Variants in PPP1R12B observed in about 807,000 individuals in gnomAD.
PPP1R12B encodes protein phosphatase 1 regulatory subunit 12B.
A neutral mutation model predicts 126.1 loss-of-function variants in PPP1R12B; 76 were observed. The observed-to-expected ratio is 0.60, with a 90% confidence interval of 0.50 to 0.73. PPP1R12B has a LOEUF of 0.73. PPP1R12B is among the 30% of genes least tolerant of loss of function. The pLI is 0.00. For missense variants in PPP1R12B, 1,052 were observed against 1,205.1 expected, an observed-to-expected ratio of 0.87 and a Z score of 1.88; for synonymous variants, 356 against 434.7, an observed-to-expected ratio of 0.82 and a Z score of 2.25.
At chr1:202,381,090 T>C (rs1287685850) in intron 1 of PPP1R12B, among the ~76,000 whole-genome samples, 18 of 152,198 alleles carry the variant, frequency 1.2e-4, no homozygotes, top group African/African-American at 4.1e-4. Flanking sequence ...TATAAATGTG[T>C]CTGTATTCCC....
At chr1:202,463,463 C>A (rs1180838684) in intron 13 of PPP1R12B, among the ~76,000 whole-genome samples, 1 of 151,870 alleles carries the variant, frequency 6.6e-6, no homozygotes, top group Admixed American at 6.6e-5. Flanking sequence ...TTTTGTTTGC[C>A]TTAAATATTA....
At chr1:202,424,792 C>T (rs1346849965) in intron 3 of PPP1R12B, among the ~76,000 whole-genome samples, 1 of 152,094 alleles carries the variant, frequency 6.6e-6, no homozygotes, top group Non-Finnish European at 1.5e-5. Context: ...GAGTTATTGG[C>T]TAAAGGGAGG....
chr1:202,383,725 A>G (rs930664407), intron 1 of PPP1R12B, among the ~76,000 whole-genome samples: 1 of 152,012 alleles, frequency 6.6e-6, no homozygotes, highest in South Asian at 2.1e-4. Flanking sequence ...CTGTGTCTCA[A>G]AAAAAAAGAA....
intron 1 of PPP1R12B, among the ~76,000 whole-genome samples, chr1:202,407,204 A>G (rs1666475402): frequency 6.6e-6 from 1 of 152,214 alleles, no homozygotes; most frequent in Non-Finnish European, 1.5e-5. Flanking sequence ...AGCATGGGGA[A>G]TAGAGAAGAT....
chr1:202,428,855 G>A lies in PPP1R12B; in HGVS notation c.847G>A (p.Gly283Ser). The A allele has an allele frequency of 6.2e-7, 1 of 1,605,124 alleles. No individual in the cohort carries two copies. Among genetic ancestry groups the A allele is most frequent in the Non-Finnish European group, 8.5e-7 (1 of 1,176,308 alleles). ...LCDMDIRNKL[G>S]QTPFDVADEG... ...TCATGGTGCTCCTTTTCTCTGCCAG[G>A]GCCAGACACCATTTGATGTGGCTGA... Residue 283 changes from glycine to serine, a missense_variant and splice_region_variant, in exon 6 of 24, where the codon GGC becomes AGC. Coordinates refer to ENST00000608999, the MANE Select transcript of PPP1R12B (RefSeq NM_002481.4).
At chr1:202,453,026 G>T (rs1673206718) in intron 13 of PPP1R12B, among the ~76,000 whole-genome samples, 1 of 152,118 alleles carries the variant, frequency 6.6e-6, no homozygotes, top group African/African-American at 2.4e-5. Flanking sequence ...TTGAATAACA[G>T]TGGTTGAAAG....
At chr1:202,361,136 G>A (rs1450359553) in intron 1 of PPP1R12B, among the ~76,000 whole-genome samples, 2 of 152,042 alleles carry the variant, frequency 1.3e-5, no homozygotes, top group Non-Finnish European at 2.9e-5. Context: ...CTTGTGATCC[G>A]CCCGCCTCGG....
intron 1 of PPP1R12B, among the ~76,000 whole-genome samples, chr1:202,407,187 G>A (rs1666727616): frequency 6.6e-6 from 1 of 152,156 alleles, no homozygotes. Context: ...TCTTTTAGGT[G>A]AATAAAAGCA....
intron 13 of PPP1R12B, among the ~76,000 whole-genome samples, chr1:202,471,600 A>G (rs1288352336): frequency 1.8e-5 from 2 of 113,638 alleles, no homozygotes; most frequent in Non-Finnish European, 3.7e-5. Context: ...TTTTGCTGCT[A>G]CTGCTTTTTT....
intron 23 of PPP1R12B, among the ~76,000 whole-genome samples, chr1:202,577,457 C>T (rs948338106): frequency 2.0e-5 from 3 of 152,116 alleles, no homozygotes; most frequent in Non-Finnish European, 4.4e-5. Flanking sequence ...CCTGCAAACC[C>T]TAAGATACTT....
chr1:202,481,927 A>C (rs1677439477), intron 13 of PPP1R12B, among the ~76,000 whole-genome samples: 2 of 151,812 alleles, frequency 1.3e-5, no homozygotes, highest in Non-Finnish European at 2.9e-5. Context: ...CTACTCTCTG[A>C]TTTTATGATA....
At chr1:202,428,457 T>C (rs1669827940) in intron 5 of PPP1R12B, 1 of 166,536 alleles carries the variant, frequency 6.0e-6, no homozygotes. Context: ...AGGAAGATGA[T>C]TCCTGTGATT....
intron 1 of PPP1R12B, among the ~76,000 whole-genome samples, chr1:202,382,011 G>A (rs867580897): frequency 6.6e-6 from 1 of 152,022 alleles, no homozygotes; most frequent in Non-Finnish European, 1.5e-5. Context: ...TAGCAAAGAC[G>A]TGGAACCAAC....
At chr1:202,578,168 T>C (rs548675606) in intron 23 of PPP1R12B, among the ~76,000 whole-genome samples, 43 of 151,974 alleles carry the variant, frequency 2.8e-4, no homozygotes, top group African/African-American at 9.7e-4. Context: ...CTTGTCCAAA[T>C]TTTTTTTTCA....
intron 1 of PPP1R12B, among the ~76,000 whole-genome samples, chr1:202,388,129 A>G (rs1205694544): frequency 6.6e-6 from 1 of 151,928 alleles, no homozygotes; most frequent in Non-Finnish European, 1.5e-5. Flanking sequence ...CAAAAAAAAA[A>G]AAAAAGAGAA....
chr1:202,403,474 G>C (rs958041534), intron 1 of PPP1R12B, among the ~76,000 whole-genome samples: 2 of 152,210 alleles, frequency 1.3e-5, no homozygotes, highest in East Asian at 1.9e-4. Context: ...AGAGATTTCA[G>C]CTGTAGCTGA....
chr1:202,493,377 A>T, intron 15 of PPP1R12B, 60 bp downstream of exon 15: 2 of 1,508,808 alleles, frequency 1.3e-6, no homozygotes, highest in Non-Finnish European at 1.8e-6. Context: ...TTTGGGGAGT[A>T]TCTTCTTCAC....
chr1:202,495,451 C>CACT lies in PPP1R12B; in HGVS notation c.2307_2309dup (p.Thr771dup), dbSNP rs543356291. 3 of 1,607,768 alleles carry CACT rather than the reference C, an allele frequency of 1.9e-6. No homozygotes were observed. The highest frequency in any genetic ancestry group is 2.5e-6 in the Non-Finnish European group (3 of 1,176,996). On this transcript the variant is annotated inframe_insertion, in exon 16 of 24. Coordinates refer to ENST00000608999, the MANE Select transcript of PPP1R12B (RefSeq NM_002481.4). ...CTGAGAGTTCAGAGACTACCACAAA[C>CACT]ACTACAACTGCAAAGGAAATGGACA...
chr1:202,367,053 T>C (rs1171131875), intron 1 of PPP1R12B, among the ~76,000 whole-genome samples: 1 of 152,160 alleles, frequency 6.6e-6, no homozygotes, highest in African/African-American at 2.4e-5. Flanking sequence ...AATATAACTT[T>C]ACCCATCCTG....
Sources: allele counts gnomAD v4.1 joint callset (sites outside exome capture counted in the v4.1 genomes callset), GRCh38; gene constraint gnomAD v4.1.1; transcripts MANE v1.5; gene names NCBI Gene and HGNC (gene_info 2026-07-23, HGNC 2026-07-21).